Variants in PDE1C observed in about 807,000 individuals in gnomAD.
PDE1C encodes dual specificity calcium/calmodulin-dependent 3',5'-cyclic nucleotide phosphodiesterase 1C.
In PDE1C, 62 loss-of-function variants were observed where a neutral mutation model predicts 93.1. That is an observed-to-expected ratio of 0.67 (90% confidence interval 0.54 to 0.82). PDE1C has a LOEUF of 0.82. Among genes scored for constraint, PDE1C ranks in the 40% least tolerant of loss-of-function variants. The probability of loss-of-function intolerance (pLI) is 0.00; values close to 1 mark genes in which losing one functional copy is unlikely to be tolerated. For missense variants in PDE1C, 742 were observed against 884.6 expected (o/e 0.84, Z 2.04); for synonymous variants, 325 against 310.1 (o/e 1.05, Z -0.50).
chr7:32,311,565 T>C (rs1783041547), intron 1 of PDE1C, among the ~76,000 whole-genome samples: 1 of 152,134 alleles, frequency 6.6e-6, no homozygotes. Flanking sequence ...CATGATCAAG[T>C]GGGCTTCATC....
chr7:31,943,638 T>C (rs777158810), intron 2 of PDE1C, among the ~76,000 whole-genome samples: 7 of 152,142 alleles, frequency 4.6e-5, no homozygotes, highest in Non-Finnish European at 1.0e-4. Flanking sequence ...CCATGAACAA[T>C]GACTAATTCT....
intron 1 of PDE1C, among the ~76,000 whole-genome samples, chr7:32,057,281 T>C (rs564483109): frequency 1.3e-5 from 2 of 152,356 alleles, no homozygotes; most frequent in East Asian, 3.9e-4. Flanking sequence ...GATTAACCCA[T>C]ACTCATTTAG....
intron 2 of PDE1C, among the ~76,000 whole-genome samples, chr7:31,938,579 G>A (rs1805401494): frequency 6.6e-6 from 1 of 151,972 alleles, no homozygotes; most frequent in East Asian, 1.9e-4. Context: ...ATTCAAAAAC[G>A]ATAAAAACAT....
Position 32,070,281 on chromosome 7 carries a change from A to T in PDE1C, c.101+12T>A. The stretch of plus-strand genomic sequence containing the variant: ...GGGAAATGGGGCAGGAGAAGTAAAT[A>T]GGTATACTTACAGCCCGCGGAGCCG... On this transcript the variant is annotated intron_variant, in intron 1 of 17. Transcript: ENST00000396191. The T allele has an allele frequency of 6.2e-7, 1 of 1,614,120 alleles. No individual in the cohort carries two copies. Among genetic ancestry groups the T allele is most frequent in the Non-Finnish European group, 8.5e-7 (1 of 1,180,002 alleles).
At chr7:31,861,958 T>C (rs891585185) in intron 7 of PDE1C, among the ~76,000 whole-genome samples, 3 of 152,180 alleles carry the variant, frequency 2.0e-5, no homozygotes, top group Non-Finnish European at 4.4e-5. Flanking sequence ...AGCCTCATAA[T>C]GCACCACTGT....
At chr7:31,683,669 C>T in the PDE1C span, among the ~76,000 whole-genome samples, 2 of 152,158 alleles carry the variant, frequency 1.3e-5, no homozygotes, top group African/African-American at 4.8e-5. Flanking sequence ...CTCTCTCTTC[C>T]TCTCTCTTTC....
chr7:32,413,574 G>A (rs1481473555), intron 1 of PDE1C, among the ~76,000 whole-genome samples: 6 of 152,070 alleles, frequency 3.9e-5, no homozygotes, highest in East Asian at 1.9e-4. Flanking sequence ...TTCAGGAAGC[G>A]GGAAATGGGG....
At chr7:32,095,357 G>A (rs1797696101) in intron 3 of PDE1C, among the ~76,000 whole-genome samples, 1 of 152,210 alleles carries the variant, frequency 6.6e-6, no homozygotes, top group Admixed American at 6.5e-5. Context: ...ATGACAGGCA[G>A]ATCCAGCACC....
chr7:31,831,644 A>G (rs1443006696), intron 11 of PDE1C, among the ~76,000 whole-genome samples: 1 of 152,154 alleles, frequency 6.6e-6, no homozygotes, highest in Non-Finnish European at 1.5e-5. Flanking sequence ...AAAAGAACAC[A>G]TTTCACTCAA....
In PDE1C at chr7:32,024,399, A is replaced by G. The variant is rs191031720; in HGVS notation, c.128+27155T>C. Among the ~76,000 whole-genome samples, 4 of 149,200 alleles carry G rather than the reference A, an allele frequency of 2.7e-5. No individual in the cohort carries two copies. The East Asian group carries it at 5.9e-4, about 22-fold the overall frequency. On this transcript the variant is annotated intron_variant, in intron 2 of 17. Transcript: ENST00000396191. ...GATATGTAGATTTCTCAATATACAT[A>G]TGTGTGTGTGTGTGTGTGTGTATGT...
the PDE1C span, among the ~76,000 whole-genome samples, chr7:31,705,986 A>AT: frequency 0.058 from 3,036 of 52,480 alleles, 1,068 homozygotes; most frequent in Non-Finnish European, 0.079. Context: ...CAGACCAGTA[A>AT]TTTTTTTTTT....
chr7:32,128,906 A>ATATATAT (rs1799741717), intron 3 of PDE1C, among the ~76,000 whole-genome samples: 15 of 56,008 alleles, frequency 2.7e-4, no homozygotes, highest in African/African-American at 1.0e-3. Context: ...AAGTATAACA[A>ATATATAT]ATATATATAT....
the PDE1C span, among the ~76,000 whole-genome samples, chr7:31,673,573 G>C: frequency 6.6e-6 from 1 of 151,872 alleles, no homozygotes; most frequent in Non-Finnish European, 1.5e-5. Context: ...TCATTTTTAT[G>C]ACCTCTATTT....
chr7:32,202,555 G>A (rs1277554303), intron 2 of PDE1C, among the ~76,000 whole-genome samples: 2 of 152,182 alleles, frequency 1.3e-5, no homozygotes, highest in Non-Finnish European at 2.9e-5. Flanking sequence ...TACATCTGTT[G>A]ACTGAACCAA....
intron 1 of PDE1C, among the ~76,000 whole-genome samples, chr7:32,278,874 C>T (rs1196017700): frequency 6.6e-6 from 1 of 152,036 alleles, no homozygotes; most frequent in Non-Finnish European, 1.5e-5. Context: ...AAAAGATAAA[C>T]AATTGGCAGA....
intron 2 of PDE1C, among the ~76,000 whole-genome samples, chr7:31,934,714 C>T (rs940326249): frequency 6.6e-6 from 1 of 152,110 alleles, no homozygotes; most frequent in African/African-American, 2.4e-5. Context: ...AGGGTAATCT[C>T]CTCTTATGCC....
At chr7:32,399,541 G>A (rs1784903433) in intron 1 of PDE1C, among the ~76,000 whole-genome samples, 1 of 148,428 alleles carries the variant, frequency 6.7e-6, no homozygotes, top group South Asian at 2.1e-4. Flanking sequence ...TAAGGCCACA[G>A]TCTTATTGGT....
At chr7:31,867,015 G>A (rs1273384827) in intron 6 of PDE1C, among the ~76,000 whole-genome samples, 1 of 152,024 alleles carries the variant, frequency 6.6e-6, no homozygotes, top group Non-Finnish European at 1.5e-5. Context: ...ACCATATTGA[G>A]AGCCCAGCCC....
chr7:31,787,190 C>T (rs556043716), intron 16 of PDE1C: 2 of 152,230 alleles, frequency 1.3e-5, no homozygotes, highest in African/African-American at 4.8e-5. Flanking sequence ...TTAAATTCTA[C>T]AAATGAATGA....
Sources: allele counts gnomAD v4.1 joint callset (sites outside exome capture counted in the v4.1 genomes callset), GRCh38; gene constraint gnomAD v4.1.1; transcripts MANE v1.5; gene names NCBI Gene and HGNC (gene_info 2026-07-23, HGNC 2026-07-21).